The following ESRRG variants were observed in gnomAD, a reference collection of about 807,000 sequenced individuals.
The protein encoded by ESRRG is estrogen related receptor gamma.
In ESRRG, 13 loss-of-function variants were observed where a neutral mutation model predicts 44.0. The observed-to-expected ratio is 0.30, with a 90% CI of 0.19 to 0.47. The LOEUF (loss-of-function observed/expected upper bound fraction) is 0.47, where lower values mean the gene tolerates loss of function less well. ESRRG is among the 20% of genes least tolerant of loss of function. The pLI is 1.00. For synonymous variants in ESRRG, 215 were observed against 214.6 expected (o/e 1.00, Z -0.02); for missense variants, 395 against 580.6 (o/e 0.68, Z 3.29).
At chr1:216,795,681 C>A (rs1177935327) in intron 2 of ESRRG, among the ~76,000 whole-genome samples, 1 of 151,940 alleles carries the variant, frequency 6.6e-6, no homozygotes, top group Non-Finnish European at 1.5e-5. Context: ...GAATACAATT[C>A]TAGGAAAACA....
chr1:216,934,197 G>A (rs2063765657), intron 2 of ESRRG, among the ~76,000 whole-genome samples: 1 of 152,164 alleles, frequency 6.6e-6, no homozygotes, highest in Non-Finnish European at 1.5e-5. Context: ...ACTTTAGGAG[G>A]CTGAGGTGGG....
At chr1:216,928,482 C>T (rs750130572) in intron 2 of ESRRG, among the ~76,000 whole-genome samples, 5 of 152,310 alleles carry the variant, frequency 3.3e-5, no homozygotes, top group Non-Finnish European at 5.9e-5. Flanking sequence ...TCAAGACTGC[C>T]ATGACCCATT....
At chr1:216,605,529 G>A (rs2059813798) in intron 3 of ESRRG, among the ~76,000 whole-genome samples, 1 of 152,116 alleles carries the variant, frequency 6.6e-6, no homozygotes, top group African/African-American at 2.4e-5. Flanking sequence ...AAATTTTTAA[G>A]GTGTGAAAGA....
chr1:216,874,823 G>T (rs1409118527), intron 2 of ESRRG, among the ~76,000 whole-genome samples: 1 of 152,160 alleles, frequency 6.6e-6, no homozygotes, highest in Non-Finnish European at 1.5e-5. Context: ...GCAGGCAGGA[G>T]AAGATGGAAG....
intron 2 of ESRRG, among the ~76,000 whole-genome samples, chr1:216,812,617 C>A (rs1484839667): frequency 6.6e-6 from 1 of 152,170 alleles, no homozygotes; most frequent in Non-Finnish European, 1.5e-5. Context: ...ATCAGTCTTT[C>A]TTTCTTAGAA....
chr1:217,009,259 A>T (rs1269206291), intron 1 of ESRRG, among the ~76,000 whole-genome samples: 2 of 152,040 alleles, frequency 1.3e-5, no homozygotes, highest in Non-Finnish European at 2.9e-5. Context: ...TGGTCGACTT[A>T]TTTTTTTAAT....
intron 1 of ESRRG, among the ~76,000 whole-genome samples, chr1:216,990,010 G>A (rs1194456769): frequency 1.3e-5 from 2 of 152,070 alleles, no homozygotes; most frequent in African/African-American, 4.8e-5. Flanking sequence ...GGTTAACAAG[G>A]TACATAATGA....
chr1:216,510,799 G>A (rs2784468), intron 6 of ESRRG, among the ~76,000 whole-genome samples: 85,093 of 151,872 alleles, frequency 0.56, 24,514 homozygotes, highest in African/African-American at 0.6. Context: ...GCATGAACCC[G>A]GGAGGCGGAG....
intron 6 of ESRRG, among the ~76,000 whole-genome samples, chr1:216,508,589 T>C (rs1165718210): frequency 6.6e-6 from 1 of 152,214 alleles, no homozygotes; most frequent in Admixed American, 6.5e-5. Flanking sequence ...GGATTGTTTC[T>C]ACCCAGCTTC....
At chr1:216,815,808 A>G (rs1211403991) in intron 2 of ESRRG, among the ~76,000 whole-genome samples, 1 of 152,172 alleles carries the variant, frequency 6.6e-6, no homozygotes, top group African/African-American at 2.4e-5. Context: ...AAGGGTGTAG[A>G]CTATTTAAAA....
At chr1:216,979,266 A>G (rs1481549845) in intron 1 of ESRRG, among the ~76,000 whole-genome samples, 1 of 152,134 alleles carries the variant, frequency 6.6e-6, no homozygotes, top group Non-Finnish European at 1.5e-5. Context: ...TGTGTGATTC[A>G]GGATTGGCTT....
intron 2 of ESRRG, among the ~76,000 whole-genome samples, chr1:216,779,861 C>G (rs2093860743): frequency 2.0e-5 from 3 of 151,528 alleles, no homozygotes; most frequent in Non-Finnish European, 2.9e-5. Context: ...CTCTGACACT[C>G]AGTACTTTCA....
chr1:216,698,518 C>CAA (rs34454248), intron 1 of ESRRG, among the ~76,000 whole-genome samples: 11,303 of 72,844 alleles, frequency 0.16, 972 homozygotes, highest in Middle Eastern at 0.18. Flanking sequence ...GACTCAGTCT[C>CAA]AAAAAAAAAA....
Position 216,697,538 on chromosome 1 carries a change from T to C in ESRRG, c.57-20047A>G, listed in dbSNP as rs574593190. ...GGTGTTTATAGCAGTTTTAATTCAGTCAACACACAGATCTTCTATGAGTAT... is the reference window on the plus strand; with the variant it reads ...GGTGTTTATAGCAGTTTTAATTCAGCCAACACACAGATCTTCTATGAGTAT... On this transcript the variant is annotated intron_variant, in intron 1 of 6. Transcript: ENST00000408911. Among the ~76,000 whole-genome samples the C allele has an allele frequency of 5.3e-5, 8 of 152,342 alleles. No homozygotes were observed. The East Asian group carries it at 1.4e-3, about 26-fold the overall frequency.
chr1:216,712,523 GAGA>G (rs1413435651), intron 1 of ESRRG, among the ~76,000 whole-genome samples: 1 of 152,134 alleles, frequency 6.6e-6, no homozygotes, highest in Non-Finnish European at 1.5e-5. Context: ...ACCCTCAGAT[GAGA>G]AGGAGAAAAA....
intron 3 of ESRRG, among the ~76,000 whole-genome samples, chr1:216,623,065 GA>G (rs1255119487): frequency 7.1e-6 from 1 of 141,616 alleles, no homozygotes. Context: ...GTCATCAGCT[GA>G]AATCATTAAA....
intron 1 of ESRRG, among the ~76,000 whole-genome samples, chr1:217,126,804 A>G (rs773624628): frequency 1.3e-5 from 2 of 152,158 alleles, no homozygotes; most frequent in Non-Finnish European, 2.9e-5. Flanking sequence ...TTATCTCTCC[A>G]TTCAAGAGAC....
At chr1:216,779,663 A>C (rs1271238193) in intron 2 of ESRRG, among the ~76,000 whole-genome samples, 1 of 144,186 alleles carries the variant, frequency 6.9e-6, no homozygotes, top group Non-Finnish European at 1.5e-5. Flanking sequence ...TTACTTTTTG[A>C]GTTGTAATAG....
intron 1 of ESRRG, among the ~76,000 whole-genome samples, chr1:217,051,578 T>A (rs533829234): frequency 6.6e-6 from 1 of 152,316 alleles, no homozygotes; most frequent in South Asian, 2.1e-4. Context: ...CCTTTACTTA[T>A]GTTTCAGAAA....
Sources: allele counts gnomAD v4.1 joint callset (sites outside exome capture counted in the v4.1 genomes callset), GRCh38; gene constraint gnomAD v4.1.1; transcripts MANE v1.5; gene names NCBI Gene and HGNC (gene_info 2026-07-23, HGNC 2026-07-21).